Variants in GPC5 observed in about 807,000 individuals in gnomAD.
GPC5 encodes glypican 5, also known as glypican-5.
A neutral mutation model predicts 53.9 loss-of-function variants in GPC5; 47 were observed. That is an observed-to-expected ratio of 0.87 (90% CI 0.69 to 1.11). The LOEUF (loss-of-function observed/expected upper bound fraction) is 1.11, where lower values mean the gene tolerates loss of function less well. Among genes scored for constraint, GPC5 ranks in the 50% most tolerant of loss-of-function variants. The probability of loss-of-function intolerance (pLI) is 0.00; values close to 1 mark genes in which losing one functional copy is unlikely to be tolerated. For missense variants in GPC5, 748 were observed against 713.1 expected, an observed-to-expected ratio of 1.05 and a Z score of -0.56; for synonymous variants, 286 against 263.3, an observed-to-expected ratio of 1.09 and a Z score of -0.84.
intron 6 of GPC5, among the ~76,000 whole-genome samples, chr13:92,052,814 A>C (rs2041041485): frequency 6.6e-6 from 1 of 152,162 alleles, no homozygotes; most frequent in South Asian, 2.1e-4. Flanking sequence ...GAGGTGAGGA[A>C]GTTGCAAAGG....
At chr13:91,628,802 A>G (rs1384432892) in intron 2 of GPC5, among the ~76,000 whole-genome samples, 4 of 152,166 alleles carry the variant, frequency 2.6e-5, no homozygotes, top group Non-Finnish European at 5.9e-5. Flanking sequence ...TGTGCATATC[A>G]GTTCCATGGG....
intron 3 of GPC5, among the ~76,000 whole-genome samples, chr13:91,695,608 C>T (rs2035863846): frequency 6.6e-6 from 1 of 152,096 alleles, no homozygotes; most frequent in South Asian, 2.1e-4. Flanking sequence ...TTCTCCTGAC[C>T]TCGTGACCTG....
At chr13:92,796,305 T>C (rs1876677369) in intron 7 of GPC5, among the ~76,000 whole-genome samples, 2 of 152,012 alleles carry the variant, frequency 1.3e-5, no homozygotes, top group Admixed American at 6.6e-5. Context: ...AGGTGGGAAC[T>C]GAACAGTGAC....
intron 6 of GPC5, among the ~76,000 whole-genome samples, chr13:92,046,510 C>A (rs1329031071): frequency 6.6e-6 from 1 of 152,090 alleles, no homozygotes; most frequent in African/African-American, 2.4e-5. Flanking sequence ...ATTATTCCAC[C>A]AAAGGAAACA....
intron 5 of GPC5, among the ~76,000 whole-genome samples, chr13:91,760,626 G>T (rs2037390470): frequency 6.6e-6 from 1 of 152,030 alleles, no homozygotes; most frequent in Non-Finnish European, 1.5e-5. Context: ...AATTATTTTG[G>T]CAAGATTTCT....
At chr13:92,717,638 T>A (rs553659925) in intron 7 of GPC5, among the ~76,000 whole-genome samples, 6 of 152,314 alleles carry the variant, frequency 3.9e-5, no homozygotes, top group African/African-American at 1.4e-4. Context: ...ATAATGTAAT[T>A]TGGCTGTTTG....
At chr13:92,182,352 G>A (rs2042152873) in intron 7 of GPC5, among the ~76,000 whole-genome samples, 1 of 152,072 alleles carries the variant, frequency 6.6e-6, no homozygotes, top group Non-Finnish European at 1.5e-5. Context: ...CAAAAACAAT[G>A]TTCAAAATAT....
intron 6 of GPC5, among the ~76,000 whole-genome samples, chr13:91,930,061 A>G (rs1594670228): frequency 6.6e-6 from 1 of 152,056 alleles, no homozygotes; most frequent in Non-Finnish European, 1.5e-5. Flanking sequence ...CATAATTTTC[A>G]GGGCCCAGTA....
chr13:92,433,711 G>T (rs1176715395), intron 7 of GPC5, among the ~76,000 whole-genome samples: 1 of 152,132 alleles, frequency 6.6e-6, no homozygotes, highest in African/African-American at 2.4e-5. Flanking sequence ...ATAAACAATT[G>T]ACTAAGAGGT....
At chr13:91,697,728 A>T (rs1005697314) in intron 3 of GPC5, among the ~76,000 whole-genome samples, 4 of 152,012 alleles carry the variant, frequency 2.6e-5, no homozygotes, top group Admixed American at 2.0e-4. Context: ...TTTCTTAGTA[A>T]TTACATTTAA....
chr13:91,973,480 C>T (rs1018273974), intron 6 of GPC5, among the ~76,000 whole-genome samples: 2 of 152,216 alleles, frequency 1.3e-5, no homozygotes, highest in Admixed American at 1.3e-4. Context: ...CAAAGTCATT[C>T]TCCGTCCAGC....
At chr13:92,471,826 T>C (rs1878925362) in intron 7 of GPC5, among the ~76,000 whole-genome samples, 1 of 152,136 alleles carries the variant, frequency 6.6e-6, no homozygotes, top group South Asian at 2.1e-4. Flanking sequence ...GGCATTTGCA[T>C]GCTTGATTCA....
At chr13:92,786,202 A>C (rs1231727049) in intron 7 of GPC5, among the ~76,000 whole-genome samples, 1 of 152,188 alleles carries the variant, frequency 6.6e-6, no homozygotes, top group African/African-American at 2.4e-5. Context: ...CCAGTAGTAG[A>C]AATAAATACA....
chr13:92,448,066 C>T (rs986972480), intron 7 of GPC5: 2 of 152,038 alleles, frequency 1.3e-5, no homozygotes, highest in Non-Finnish European at 2.9e-5. Context: ...GAAGAAAATG[C>T]AGCTTTACTT....
At chr13:92,802,301 A>G (rs545259287) in intron 7 of GPC5, among the ~76,000 whole-genome samples, 23 of 151,988 alleles carry the variant, frequency 1.5e-4, no homozygotes, top group Middle Eastern at 3.4e-3. Context: ...GTGTAAGTAT[A>G]CTCATGACGT....
intron 2 of GPC5, among the ~76,000 whole-genome samples, chr13:91,537,122 A>G (rs1395610893): frequency 6.6e-6 from 1 of 152,172 alleles, no homozygotes; most frequent in Non-Finnish European, 1.5e-5. Context: ...TCAATAATCT[A>G]ACCTCCCACC....
At chr13:92,022,365 A>T (rs186636063) in intron 6 of GPC5, among the ~76,000 whole-genome samples, 490 of 152,238 alleles carry the variant, frequency 3.2e-3, no homozygotes, top group Admixed American at 5.6e-3. Context: ...AGTCTATAGG[A>T]TTAGACTACT....
intron 7 of GPC5, among the ~76,000 whole-genome samples, chr13:92,537,438 A>T (rs892041063): frequency 1.3e-5 from 2 of 152,174 alleles, no homozygotes; most frequent in Non-Finnish European, 2.9e-5. Context: ...TTTTTATGTG[A>T]TTTGATCAAC....
chr13:92,453,767 A>G (rs900340398), intron 7 of GPC5, among the ~76,000 whole-genome samples: 1 of 152,186 alleles, frequency 6.6e-6, no homozygotes, highest in Non-Finnish European at 1.5e-5. Context: ...CTGTAACACC[A>G]CATTTATTCT....
Sources: allele counts gnomAD v4.1 joint callset (sites outside exome capture counted in the v4.1 genomes callset), GRCh38; gene constraint gnomAD v4.1.1; transcripts MANE v1.5; gene names NCBI Gene and HGNC (gene_info 2026-07-23, HGNC 2026-07-21).